Variants in ADAM12 observed in about 807,000 individuals in gnomAD.
ADAM12 encodes the protein ADAM metallopeptidase domain 12, also known as disintegrin and metalloproteinase domain-containing protein 12.
A neutral mutation model predicts 106.4 loss-of-function variants in ADAM12; 70 were observed. The observed-to-expected ratio is 0.66, with a 90% CI of 0.54 to 0.80. The LOEUF is 0.80. ADAM12 is among the 30% of genes least tolerant of loss of function. The pLI is 0.00. For missense variants in ADAM12, 1,010 were observed against 1,171.9 expected, an observed-to-expected ratio of 0.86 and a Z score of 2.02; for synonymous variants, 420 against 433.5, an observed-to-expected ratio of 0.97 and a Z score of 0.39.
intron 3 of ADAM12, among the ~76,000 whole-genome samples, chr10:126,185,214 T>G (rs952906878): frequency 6.6e-6 from 1 of 152,234 alleles, no homozygotes; most frequent in Non-Finnish European, 1.5e-5. Context: ...TTGAGGTCCA[T>G]GAAGAAAGAA....
intron 4 of ADAM12, among the ~76,000 whole-genome samples, chr10:126,151,323 CA>C (rs1956725477): frequency 6.6e-6 from 1 of 152,186 alleles, no homozygotes; most frequent in African/African-American, 2.4e-5. Flanking sequence ...CTATTAAAAT[CA>C]CTATAAGAAA....
At chr10:126,310,723 T>C (rs1314345002) in intron 2 of ADAM12, among the ~76,000 whole-genome samples, 2 of 152,190 alleles carry the variant, frequency 1.3e-5, no homozygotes, top group Non-Finnish European at 1.5e-5. Context: ...GGGTGGGATG[T>C]GTCTCATTAT....
intron 3 of ADAM12, among the ~76,000 whole-genome samples, chr10:126,255,260 T>C (rs1474989423): frequency 1.3e-5 from 2 of 152,210 alleles, no homozygotes; most frequent in Admixed American, 6.5e-5. Flanking sequence ...CAATGAAAGT[T>C]TGTGAGGCCT....
At chr10:126,212,135 A>C (rs1957915119) in intron 3 of ADAM12, among the ~76,000 whole-genome samples, 1 of 152,214 alleles carries the variant, frequency 6.6e-6, no homozygotes, top group Non-Finnish European at 1.5e-5. Flanking sequence ...CAGGTACCGC[A>C]CTGGTGATTA....
At chr10:126,073,600 C>T (rs1472212090) in intron 11 of ADAM12, among the ~76,000 whole-genome samples, 1 of 152,150 alleles carries the variant, frequency 6.6e-6, no homozygotes, top group East Asian at 1.9e-4. Flanking sequence ...ATGTTAGCTC[C>T]CACTTATAAA....
At chr10:126,159,920 T>A (rs112717990) in intron 3 of ADAM12, among the ~76,000 whole-genome samples, 6 of 109,506 alleles carry the variant, frequency 5.5e-5, no homozygotes, top group Non-Finnish European at 4.4e-5. Flanking sequence ...CACTGTGTTA[T>A]GTCTTCTCTT....
In ADAM12 at chr10:126,344,456, T is replaced by C. The variant is rs534831933; in HGVS notation, c.89-13947A>G. Among the ~76,000 whole-genome samples, 41 of 152,364 alleles carry C rather than the reference T, an allele frequency of 2.7e-4. 1 individual carries two copies. The highest frequency in any genetic ancestry group is 7.2e-4 in the African/African-American group (30 of 41,594). ...TAGTATAGTTTGAAGTCAGGTAGTC[T>C]GATGCCTCCAGTTTTGTTCTTTTGG... On this transcript the variant is annotated intron_variant, in intron 1 of 22. Transcript: ENST00000448723.
intron 3 of ADAM12, among the ~76,000 whole-genome samples, chr10:126,263,197 A>G (rs140634037): frequency 4.3e-4 from 66 of 152,324 alleles, no homozygotes; most frequent in Non-Finnish European, 8.1e-4. Flanking sequence ...CAGTAGGATC[A>G]GTTTAAGCAT....
chr10:126,206,835 C>A, intron 3 of ADAM12, among the ~76,000 whole-genome samples: 1 of 121,348 alleles, frequency 8.2e-6, no homozygotes, highest in Non-Finnish European at 1.6e-5. Flanking sequence ...GTTGTAGCTC[C>A]CTGAATTCCC....
chr10:126,045,106 C>T (rs907707254), intron 17 of ADAM12, among the ~76,000 whole-genome samples: 2 of 152,208 alleles, frequency 1.3e-5, no homozygotes, highest in African/African-American at 4.8e-5. Flanking sequence ...GTCCAGGGTC[C>T]TCAACCAGCT....
chr10:126,094,148 A>G lies in ADAM12; in HGVS notation c.997-15T>C, dbSNP rs1955514173. The stretch of plus-strand genomic sequence containing the variant: ...TCTGAATGGTCCTCAAAGAAAACAC[A>G]AAAGTACAGGTGTATAATTCATATC... On this transcript the variant is annotated splice_polypyrimidine_tract_variant and intron_variant, in intron 10 of 22. Coordinates refer to ENST00000448723, the MANE Select transcript of ADAM12 (RefSeq NM_001288973.2). 6.2e-7 allele frequency: 1 copy of G among 1,612,840 alleles called. No individual in the cohort carries two copies. The highest frequency in any genetic ancestry group is 1.3e-5 in the African/African-American group (1 of 75,026).
At chr10:126,122,249 A>G (rs1956128863) in intron 5 of ADAM12, among the ~76,000 whole-genome samples, 1 of 152,224 alleles carries the variant, frequency 6.6e-6, no homozygotes, top group Non-Finnish European at 1.5e-5. Context: ...ACTAAAAGTC[A>G]TTCTATGAAG....
chr10:126,035,229 A>C (rs1954037712), intron 21 of ADAM12, among the ~76,000 whole-genome samples: 1 of 152,176 alleles, frequency 6.6e-6, no homozygotes, highest in African/African-American at 2.4e-5. Flanking sequence ...TTATATTATG[A>C]GGCTTAAAAT....
chr10:126,102,559 C>T (rs1955687269), intron 8 of ADAM12, among the ~76,000 whole-genome samples: 1 of 152,166 alleles, frequency 6.6e-6, no homozygotes, highest in Non-Finnish European at 1.5e-5. Context: ...TCATCTTTTC[C>T]CTTGCTGGTC....
chr10:126,372,775 C>T (rs1043268808), intron 1 of ADAM12, among the ~76,000 whole-genome samples: 6 of 152,214 alleles, frequency 3.9e-5, no homozygotes, highest in African/African-American at 7.2e-5. Flanking sequence ...TGCTTTCTCA[C>T]TGAGCCTCTA....
intron 2 of ADAM12, among the ~76,000 whole-genome samples, chr10:126,308,559 A>G (rs572363775): frequency 1.3e-5 from 2 of 152,338 alleles, no homozygotes; most frequent in South Asian, 4.1e-4. Flanking sequence ...CTGACTTAAT[A>G]TTGTTTGATA....
chr10:126,270,654 A>G (rs1160828654), intron 3 of ADAM12, among the ~76,000 whole-genome samples: 1 of 152,222 alleles, frequency 6.6e-6, no homozygotes, highest in Admixed American at 6.5e-5. Context: ...CTGGTTAAAT[A>G]GCGGTGGCGC....
intron 3 of ADAM12, among the ~76,000 whole-genome samples, chr10:126,191,893 GA>G (rs1466442610): frequency 2.0e-5 from 3 of 152,180 alleles, no homozygotes; most frequent in Non-Finnish European, 4.4e-5. Flanking sequence ...GCATGGCTGG[GA>G]GGCCTCAGAA....
chr10:126,375,834 C>T (rs1856271482), intron 1 of ADAM12, among the ~76,000 whole-genome samples: 1 of 151,480 alleles, frequency 6.6e-6, no homozygotes, highest in South Asian at 2.1e-4. Context: ...CAGCCTCGAC[C>T]TCCTGGGCTC....
Sources: gnomAD v4.1 joint callset for allele counts (sites outside exome capture counted in the v4.1 genomes callset) on GRCh38, gnomAD v4.1.1 for gene constraint, MANE v1.5 for transcripts, NCBI Gene and HGNC (gene_info 2026-07-23, HGNC 2026-07-21) for gene names.